The following ADAMTSL1 variants were observed in gnomAD, a reference collection of about 807,000 sequenced individuals.
The protein encoded by ADAMTSL1 is ADAMTS like 1.
ADAMTSL1 carries 126 observed loss-of-function variants against 201.8 expected under a neutral mutation model. The ratio of observed to expected loss-of-function variants is 0.62; its 90% CI spans 0.54 to 0.72. ADAMTSL1 has a LOEUF of 0.72. Among genes scored for constraint, ADAMTSL1 ranks in the 30% least tolerant of loss-of-function variants. ADAMTSL1 has a pLI of 0.00. For missense variants in ADAMTSL1, 2,679 were observed against 2,277.8 expected (o/e 1.18, Z -3.59); for synonymous variants, 1,121 against 903.4 (o/e 1.24, Z -4.32).
intron 2 of ADAMTSL1, among the ~76,000 whole-genome samples, chr9:18,332,253 G>A (rs1398799052): frequency 6.6e-6 from 1 of 152,056 alleles, no homozygotes; most frequent in African/African-American, 2.4e-5. Context: ...TACACTTTAT[G>A]TACTATTTGA....
chr9:18,365,066 C>G (rs1170246118), intron 2 of ADAMTSL1, among the ~76,000 whole-genome samples: 1 of 151,968 alleles, frequency 6.6e-6, no homozygotes, highest in African/African-American at 2.4e-5. Context: ...GATAATGTAC[C>G]CTATATAGGG....
intron 1 of ADAMTSL1, among the ~76,000 whole-genome samples, chr9:17,922,087 C>CTTTTTTTTTTT (rs33961485): frequency 6.9e-6 from 1 of 144,700 alleles, no homozygotes; most frequent in Non-Finnish European, 1.5e-5. Context: ...GCAGTTCAGG[C>CTTTTTTTTTTT]TTTTTTTTTT....
At chr9:17,974,843 G>A (rs1818377752) in intron 1 of ADAMTSL1, among the ~76,000 whole-genome samples, 1 of 152,144 alleles carries the variant, frequency 6.6e-6, no homozygotes. Flanking sequence ...TGAACATGGG[G>A]TTCTTTGGGA....
chr9:18,220,848 C>T (rs1385936485), intron 2 of ADAMTSL1, among the ~76,000 whole-genome samples: 3 of 151,830 alleles, frequency 2.0e-5, no homozygotes, highest in Admixed American at 6.6e-5. Flanking sequence ...GATCTAGGCT[C>T]ACTGCAACCT....
chr9:18,152,571 C>T (rs1281501679), intron 1 of ADAMTSL1, among the ~76,000 whole-genome samples: 1 of 151,810 alleles, frequency 6.6e-6, no homozygotes, highest in African/African-American at 2.4e-5. Context: ...AGGAGGACCC[C>T]CCAAATGAGA....
chr9:18,706,640 G>A, intron 13 of ADAMTSL1, 107 bp from the exon 14 acceptor site: 1 of 1,169,008 alleles, frequency 8.6e-7, no homozygotes, highest in South Asian at 1.6e-5. Flanking sequence ...AGTACCCCTG[G>A]GACAGCTCTG....
intron 2 of ADAMTSL1, among the ~76,000 whole-genome samples, chr9:18,411,347 G>A (rs1818435367): frequency 6.6e-6 from 1 of 151,444 alleles, no homozygotes; most frequent in South Asian, 2.1e-4. Context: ...GACTACAAAC[G>A]TGCCACCATG....
intron 1 of ADAMTSL1, among the ~76,000 whole-genome samples, chr9:18,115,884 GA>G (rs1245421083): frequency 6.6e-6 from 1 of 152,146 alleles, no homozygotes; most frequent in Non-Finnish European, 1.5e-5. Context: ...CTTCATAAAG[GA>G]AATAGCGTTT....
intron 1 of ADAMTSL1, among the ~76,000 whole-genome samples, chr9:18,147,529 C>A (rs1312316909): frequency 2.6e-5 from 4 of 152,040 alleles, no homozygotes; most frequent in Admixed American, 2.0e-4. Flanking sequence ...TGGGGGTATT[C>A]CCTCTTCCTA....
intron 16 of ADAMTSL1, among the ~76,000 whole-genome samples, chr9:18,760,217 C>T (rs1213371041): frequency 6.6e-6 from 1 of 152,172 alleles, no homozygotes; most frequent in East Asian, 1.9e-4. Flanking sequence ...CACGCTTTGT[C>T]AACATCTATA....
In ADAMTSL1 at chr9:18,359,833, CCG is replaced by C. The variant is rs1025000687; in HGVS notation, c.208-144994_208-144993del. Among the ~76,000 whole-genome samples, 27 of 118,932 alleles carry C rather than the reference CCG, an allele frequency of 2.3e-4. 2 individuals carry two copies. Among genetic ancestry groups the C allele is most frequent in the African/African-American group, 7.0e-4 (22 of 31,654 alleles). The allele number at this position is 118,932 out of a possible 152,430, so 78.0% of individuals were successfully genotyped here. A position where few individuals can be genotyped will look rare whatever the true frequency, so the allele number is the denominator to read the frequency against. ...ATGCCCCACCTCCCCACCCGCCCCC[CCG>C]CCCACACAAAATGCCCCACCCCTGC... On this transcript the variant is annotated intron_variant, in intron 2 of 29. Transcript: ENST00000680146.
In ADAMTSL1 at chr9:18,661,979, C is replaced by T. The variant is rs150088929; in HGVS notation, c.991C>T (p.Arg331Cys). ...TGAGTGCTACGATCTGAGGAGCAAC[C>T]GTGTGGTTGCTGACCAATACTGTCA... ...SAECYDLRSN[R>C]VVADQYCHYY... Residue 331 changes from arginine (R) to cysteine (C), a missense_variant, in exon 9 of 29, where the codon CGT (arginine) becomes TGT (cysteine). Physicochemically the swap from Arg to Cys is radical, Grantham distance 180 (BLOSUM62 -3). Transcript: ENST00000380548. 108 of 1,613,848 alleles carry T rather than the reference C, an allele frequency of 6.7e-5. No homozygotes were observed. The highest frequency in any genetic ancestry group is 1.6e-4 in the Middle Eastern group (1 of 6,084).
chr9:17,993,231 C>G (rs1330050457), intron 1 of ADAMTSL1, among the ~76,000 whole-genome samples: 1 of 152,086 alleles, frequency 6.6e-6, no homozygotes, highest in Non-Finnish European at 1.5e-5. Context: ...AAGGGTGTAG[C>G]ACACATCTGG....
intron 15 of ADAMTSL1, among the ~76,000 whole-genome samples, chr9:18,732,878 G>A (rs1410702167): frequency 6.6e-6 from 1 of 152,166 alleles, no homozygotes. Context: ...CTTACAATAT[G>A]CATGGCACAG....
chr9:18,698,539 G>A (rs1262633664), intron 13 of ADAMTSL1, among the ~76,000 whole-genome samples: 1 of 151,988 alleles, frequency 6.6e-6, no homozygotes, highest in African/African-American at 2.4e-5. Context: ...GCCAGCCTCG[G>A]CCTCCCAAAG....
chr9:18,735,124 C>G (rs147274506), intron 15 of ADAMTSL1, among the ~76,000 whole-genome samples: 2 of 152,218 alleles, frequency 1.3e-5, no homozygotes, highest in Admixed American at 1.3e-4. Context: ...CTGCCTCAGA[C>G]ACCTCTCATG....
At chr9:18,596,559 G>T (rs1400079053) in intron 4 of ADAMTSL1, among the ~76,000 whole-genome samples, 1 of 152,130 alleles carries the variant, frequency 6.6e-6, no homozygotes, top group Non-Finnish European at 1.5e-5. Flanking sequence ...ACACCTGTAA[G>T]ACACCGTGCT....
chr9:18,233,425 A>G (rs1830718339), intron 2 of ADAMTSL1, among the ~76,000 whole-genome samples: 1 of 152,218 alleles, frequency 6.6e-6, no homozygotes, highest in Non-Finnish European at 1.5e-5. Context: ...AATTAGAATC[A>G]TGCTATGAGT....
At chr9:17,923,518 T>C (rs1826392170) in intron 1 of ADAMTSL1, among the ~76,000 whole-genome samples, 1 of 152,006 alleles carries the variant, frequency 6.6e-6, no homozygotes, top group Admixed American at 6.6e-5. Context: ...CTGAAGGAGA[T>C]TTTGGGCTGA....
Sources: gnomAD v4.1 joint callset for allele counts (sites outside exome capture counted in the v4.1 genomes callset) on GRCh38, gnomAD v4.1.1 for gene constraint, MANE v1.5 for transcripts, NCBI Gene and HGNC (gene_info 2026-07-23, HGNC 2026-07-21) for gene names.